The following PUM2 variants were observed in gnomAD, a reference collection of about 807,000 sequenced individuals.
The protein encoded by PUM2 is pumilio RNA binding family member 2.
Under a neutral mutation model 124.5 loss-of-function variants are expected in PUM2, and 57 were observed. The observed-to-expected ratio is 0.46, with a 90% confidence interval of 0.37 to 0.57. The LOEUF is 0.57. PUM2 is among the 20% of genes least tolerant of loss of function. The probability of loss-of-function intolerance (pLI) is 0.00; values close to 1 mark genes in which losing one functional copy is unlikely to be tolerated. For synonymous variants in PUM2, 460 were observed against 446.1 expected (o/e 1.03, Z -0.39); for missense variants, 1,065 against 1,290.6 (o/e 0.83, Z 2.68).
At chr2:20,285,992 G>C (rs577586331) in intron 10 of PUM2, among the ~76,000 whole-genome samples, 4 of 152,088 alleles carry the variant, frequency 2.6e-5, no homozygotes. Flanking sequence ...CCAAATAGAA[G>C]ACACAGAAAG....
At chr2:20,252,266 C>G (rs1249146708) in intron 20 of PUM2, among the ~76,000 whole-genome samples, 2 of 152,038 alleles carry the variant, frequency 1.3e-5, no homozygotes, top group African/African-American at 4.8e-5. Context: ...AAAATATAAA[C>G]AAAACTAAAA....
chr2:20,311,038 A>G (rs866478217), intron 5 of PUM2, among the ~76,000 whole-genome samples: 74 of 152,088 alleles, frequency 4.9e-4, no homozygotes, highest in Admixed American at 3.9e-4. Flanking sequence ...TTTAAGAAAG[A>G]TTACTGCTCC....
Position 20,324,908 on chromosome 2 carries a change from G to A in PUM2, c.51+2402C>T, listed in dbSNP as rs554407219. On this transcript the variant is annotated intron_variant, in intron 2 of 20. Transcript: ENST00000361078. ...CTATTTTTAAAGAAAGTCAAGACAA[G>A]GGTAATCTATTTTAAAAACCGTTTT... is the stretch of plus-strand genomic sequence containing the variant. Among the ~76,000 whole-genome samples, 8 of 149,684 alleles carry A rather than the reference G, an allele frequency of 5.3e-5. No homozygotes were observed. The South Asian group carries it at 1.7e-3, about 32-fold the overall frequency.
intron 15 of PUM2, among the ~76,000 whole-genome samples, chr2:20,258,956 C>T (rs1202816182): frequency 6.6e-6 from 1 of 151,778 alleles, no homozygotes; most frequent in African/African-American, 2.4e-5. Context: ...CGTGAGCCAC[C>T]GCGCCCGGCC....
intron 1 of PUM2, among the ~76,000 whole-genome samples, chr2:20,333,498 C>A (rs1685344729): frequency 6.6e-6 from 1 of 151,722 alleles, no homozygotes; most frequent in Non-Finnish European, 1.5e-5. Context: ...CACAGTAAGA[C>A]CCTGTCTCAA....
At position 20,263,394 on chromosome 2, in the gene PUM2, C is replaced by T. The variant is rs775619910; in HGVS notation, c.2024G>A (p.Ser675Asn). Residue 675 changes from serine (S) to asparagine (N), a missense_variant, in exon 14 of 21, where the codon AGT (serine) becomes AAT (asparagine). Ser to Asn is a conservative substitution (Grantham distance 46). Around this residue, in one of 3 missense-constraint regions of PUM2, gnomAD observed 968 missense variants for 1,159.8 expected, o/e 0.83. Coordinates refer to ENST00000361078, the MANE Select transcript of PUM2 (RefSeq NM_015317.5). ...AAATAGACTGGAAGTGCTTGAAGCA[C>T]TTCGATATTTTGCTTCTGCTCCAGG... ...AAPGAEAKYR[S>N]ASSTSSLFSS... 18 of 1,613,930 alleles carry T rather than the reference C, an allele frequency of 1.1e-5. No homozygotes were observed. The highest frequency in any genetic ancestry group is 1.4e-5 in the Non-Finnish European group (17 of 1,179,906).
chr2:20,293,488 T>C (rs1334641321), intron 9 of PUM2, among the ~76,000 whole-genome samples: 1 of 152,102 alleles, frequency 6.6e-6, no homozygotes, highest in Non-Finnish European at 1.5e-5. Flanking sequence ...GTGGGTGGAT[T>C]ACTTGAGGCC....
In PUM2 at chr2:20,249,530, T is replaced by A. The variant is rs948957009; in HGVS notation, c.*2055A>T. On this transcript the variant is annotated 3_prime_UTR_variant, in exon 21 of 21. Coordinates refer to ENST00000361078, the MANE Select transcript of PUM2 (RefSeq NM_015317.5). ...TGTTGGGTTAGAAAAGTAAAATAAC[T>A]CAACACCAAACATGAAAAAGTATGC... 1 of 152,576 alleles carries A rather than the reference T, an allele frequency of 6.6e-6. No homozygotes were observed. Among genetic ancestry groups the A allele is most frequent in the African/African-American group, 2.4e-5 (1 of 41,422 alleles). 9.5% of individuals were successfully genotyped at this position (152,576 alleles called of 1,614,324 possible).
chr2:20,270,032 C>A (rs1228059538), intron 13 of PUM2, among the ~76,000 whole-genome samples: 1 of 152,068 alleles, frequency 6.6e-6, no homozygotes, highest in Non-Finnish European at 1.5e-5. Flanking sequence ...TGTATAGTTC[C>A]AAAAGTTGCC....
intron 13 of PUM2, among the ~76,000 whole-genome samples, chr2:20,271,187 T>C (rs1286421077): frequency 6.6e-6 from 1 of 152,110 alleles, no homozygotes; most frequent in African/African-American, 2.4e-5. Context: ...AATCACATAA[T>C]TCTAAAAAGG....
At chr2:20,345,310 A>G (rs562946893) in intron 1 of PUM2, among the ~76,000 whole-genome samples, 1 of 152,016 alleles carries the variant, frequency 6.6e-6, no homozygotes, top group East Asian at 2.0e-4. Flanking sequence ...AGGTCTCCCT[A>G]TGCTGGCCAG....
chr2:20,291,794 TTTCA>T (rs536274903), intron 9 of PUM2, among the ~76,000 whole-genome samples: 197 of 152,226 alleles, frequency 1.3e-3, no homozygotes, highest in African/African-American at 4.6e-3. Flanking sequence ...TGAACTGCTC[TTTCA>T]GTTACCTTTG....
intron 1 of PUM2, among the ~76,000 whole-genome samples, chr2:20,340,674 C>CTT (rs1024863577): frequency 6.6e-6 from 1 of 152,222 alleles, no homozygotes; most frequent in African/African-American, 2.4e-5. Context: ...CCAGGTGATG[C>CTT]TTTCCCTCTG....
intron 12 of PUM2, among the ~76,000 whole-genome samples, chr2:20,280,974 G>GTC (rs1671374954): frequency 6.6e-6 from 1 of 152,130 alleles, no homozygotes; most frequent in East Asian, 1.9e-4. Context: ...TCATCATAGA[G>GTC]GTAAGAGAAG....
At chr2:20,325,794 T>C (rs1426930320) in intron 2 of PUM2, among the ~76,000 whole-genome samples, 1 of 152,204 alleles carries the variant, frequency 6.6e-6, no homozygotes, top group Non-Finnish European at 1.5e-5. Context: ...GCTAATTTTT[T>C]GTATTTTTAG....
Position 20,283,326 on chromosome 2 carries a change from A to C in PUM2, c.1435+17T>G. 2 of 1,612,312 alleles carry C rather than the reference A, an allele frequency of 1.2e-6. No homozygotes were observed. Among genetic ancestry groups the C allele is most frequent in the Non-Finnish European group, 1.7e-6 (2 of 1,178,928 alleles). ...ACACCAGAAAAATATTATCCTAAAA[A>C]TGTCAGTTACACTTACCAGCTTGTG... On this transcript the variant is annotated intron_variant, in intron 11 of 20. Coordinates refer to ENST00000361078, the MANE Select transcript of PUM2 (RefSeq NM_015317.5).
In PUM2 at chr2:20,350,645, C is replaced by T. The variant is rs1056080497; in HGVS notation, c.-67G>A. ...TCAGCCGGGGACACCGACCGTTGGG[C>T]ACACGGCGGCGTCGCTCTTGGCGGT... is the stretch of plus-strand genomic sequence containing the variant. On this transcript the variant is annotated 5_prime_UTR_variant, in exon 1 of 21. Coordinates refer to ENST00000361078, the MANE Select transcript of PUM2 (RefSeq NM_015317.5). 2 of 985,398 alleles carry T rather than the reference C, an allele frequency of 2.0e-6. No individual in the cohort carries two copies. The highest frequency in any genetic ancestry group is 2.4e-6 in the Non-Finnish European group (2 of 830,032). 61.0% of individuals were successfully genotyped at this position (985,398 alleles called of 1,614,324 possible).
At chr2:20,274,260 GC>G (rs1166316784) in intron 13 of PUM2, among the ~76,000 whole-genome samples, 1 of 152,084 alleles carries the variant, frequency 6.6e-6, no homozygotes, top group Non-Finnish European at 1.5e-5. Context: ...AACTGTAACT[GC>G]TAAAGGATAA....
At chr2:20,330,907 G>A (rs936070951) in intron 1 of PUM2, among the ~76,000 whole-genome samples, 8 of 152,194 alleles carry the variant, frequency 5.3e-5, no homozygotes, top group African/African-American at 1.2e-4. Flanking sequence ...TGAGTTAGAC[G>A]ACGCCCAGCT....
Sources: allele counts gnomAD v4.1 joint callset (sites outside exome capture counted in the v4.1 genomes callset), GRCh38; gene constraint gnomAD v4.1.1; regional missense constraint gnomAD v4.1.1; transcripts MANE v1.5; gene names NCBI Gene and HGNC (gene_info 2026-07-23, HGNC 2026-07-21).